Variants in SETD7 observed in about 807,000 individuals in gnomAD.
SETD7 encodes the protein histone-lysine N-methyltransferase SETD7.
A neutral mutation model predicts 41.8 loss-of-function variants in SETD7; 16 were observed. The observed-to-expected ratio is 0.38, with a 90% CI of 0.26 to 0.58. SETD7 has a LOEUF of 0.58. SETD7 is among the 20% of genes least tolerant of loss of function. The pLI, the probability that SETD7 is intolerant of heterozygous loss-of-function variation, is 0.64. For synonymous variants in SETD7, 163 were observed against 169.7 expected, an observed-to-expected ratio of 0.96 and a Z score of 0.31; for missense variants, 346 against 459.7, an observed-to-expected ratio of 0.75 and a Z score of 2.26.
chr4:139,525,248 A>G (rs1727293708), intron 4 of SETD7, among the ~76,000 whole-genome samples: 1 of 152,226 alleles, frequency 6.6e-6, no homozygotes, highest in Admixed American at 6.5e-5. Flanking sequence ...AGCTACATGT[A>G]CAACACTAGG....
At chr4:139,504,005 C>A (rs1044009386), downstream of SETD7, among the ~76,000 whole-genome samples, 1 of 152,116 alleles carries the variant, frequency 6.6e-6, no homozygotes, top group Non-Finnish European at 1.5e-5. Flanking sequence ...AGGGAGCTAG[C>A]CCCTGAAGGC....
At chr4:139,547,135 A>C (rs1429684618) in intron 1 of SETD7, 86 bp from the exon 2 acceptor site, 63 of 1,531,016 alleles carry the variant, frequency 4.1e-5, no homozygotes, top group Non-Finnish European at 5.3e-5. Flanking sequence ...CTGCCAGACA[A>C]GTCCCCCACC....
intron 5 of SETD7, among the ~76,000 whole-genome samples, chr4:139,521,426 T>TAA: frequency 6.8e-6 from 1 of 147,578 alleles, no homozygotes; most frequent in South Asian, 2.2e-4. Flanking sequence ...GACTCTGTCT[T>TAA]AAAAAAAAAA....
chr4:139,528,983 A>C, intron 4 of SETD7, 48 bp downstream of exon 4: 1 of 1,518,770 alleles, frequency 6.6e-7, no homozygotes, highest in Non-Finnish European at 9.1e-7. Context: ...CAGCCCTAAC[A>C]ACCTGCTTTG....
intron 2 of SETD7, among the ~76,000 whole-genome samples, chr4:139,536,330 TTTTTC>T (rs1372268263): frequency 6.6e-6 from 1 of 152,220 alleles, no homozygotes; most frequent in Non-Finnish European, 1.5e-5. Context: ...GTTATGATTT[TTTTTC>T]TTTTCTTTTT....
chr4:139,496,161 G>A, exon 8 of SETD7: 1 of 461,724 alleles, frequency 2.2e-6, no homozygotes, highest in East Asian at 3.5e-5. Flanking sequence ...ATCAAGTCCT[G>A]CTGGTTTGAG....
chr4:139,514,483 G>A (rs1430303982), intron 7 of SETD7, among the ~76,000 whole-genome samples: 1 of 151,848 alleles, frequency 6.6e-6, no homozygotes, highest in Non-Finnish European at 1.5e-5. Flanking sequence ...TGTAGATAAG[G>A]GACAGACTGA....
chr4:139,502,738 G>A (rs1560671036), downstream of SETD7, among the ~76,000 whole-genome samples: 1 of 152,130 alleles, frequency 6.6e-6, no homozygotes, highest in African/African-American at 2.4e-5. Context: ...AAGCAGAGGC[G>A]GGAAGAGGGA....
In SETD7 at chr4:139,511,650, A is replaced by G; in HGVS notation, c.*13T>C. 6.2e-7 allele frequency: 1 copy of G among 1,613,650 alleles called. No homozygotes were observed. The highest frequency in any genetic ancestry group is 8.5e-7 in the Non-Finnish European group (1 of 1,179,906). ...TTTCTATTCCAGGTCTCTGAACCCC[A>G]AAGCCAGGCCTTTCACTTTTGCTGG... On this transcript the variant is annotated 3_prime_UTR_variant, in exon 8 of 8. Transcript: ENST00000274031.
At chr4:139,521,903 G>A (rs1727188839) in intron 5 of SETD7, among the ~76,000 whole-genome samples, 1 of 152,222 alleles carries the variant, frequency 6.6e-6, no homozygotes, top group Non-Finnish European at 1.5e-5. Flanking sequence ...TTGAAACCTG[G>A]AGTCCAGCCT....
At chr4:139,521,868 C>G (rs1162201041) in intron 5 of SETD7, among the ~76,000 whole-genome samples, 1 of 152,224 alleles carries the variant, frequency 6.6e-6, no homozygotes, top group Non-Finnish European at 1.5e-5. Context: ...GTAAAGAAAA[C>G]ATGTGAAACA....
rs560248449 is a variant in SETD7, at chr4:139,541,842, C to G, written c.170+5078G>C. Among the ~76,000 whole-genome samples the G allele has an allele frequency of 3.2e-4, 48 of 152,254 alleles. No homozygotes were observed. In the South Asian group the frequency reaches 1.0e-2, roughly 32 times the overall value. ...ACTAGCAAACATTTTGAATCTGAGA[C>G]AGTTGTGAACAGGTAAACAATGTAC... On this transcript the variant is annotated intron_variant, in intron 2 of 7. Coordinates refer to ENST00000274031, the MANE Select transcript of SETD7 (RefSeq NM_030648.4).
chr4:139,500,448 T>A (rs751889425), intron 7 of SETD7, among the ~76,000 whole-genome samples: 10 of 152,242 alleles, frequency 6.6e-5, no homozygotes, highest in Non-Finnish European at 1.5e-4. Context: ...GCAATTACAA[T>A]TTCAAAAGCA....
At chr4:139,524,599 C>T (rs916725688) in intron 4 of SETD7, among the ~76,000 whole-genome samples, 2 of 152,206 alleles carry the variant, frequency 1.3e-5, no homozygotes, top group Non-Finnish European at 2.9e-5. Context: ...CTTCTTCCTG[C>T]TGCCTTCTCC....
At chr4:139,525,438 C>T (rs904689383) in intron 4 of SETD7, among the ~76,000 whole-genome samples, 1 of 152,154 alleles carries the variant, frequency 6.6e-6, no homozygotes, top group East Asian at 1.9e-4. Flanking sequence ...CTATAGTATG[C>T]TATGCCCTTT....
At chr4:139,501,894 G>T (rs970460456), downstream of SETD7, among the ~76,000 whole-genome samples, 3 of 152,202 alleles carry the variant, frequency 2.0e-5, no homozygotes, top group African/African-American at 7.2e-5. Flanking sequence ...TCTTCACGGG[G>T]GACTGCTTGG....
intron 1 of SETD7, 138 bp from the exon 2 acceptor site, chr4:139,547,187 A>G (rs997026979): frequency 4.6e-6 from 5 of 1,079,304 alleles, no homozygotes; most frequent in Non-Finnish European, 6.6e-6. Flanking sequence ...CCCTGGAAAG[A>G]AAGGGTAGTC....
chr4:139,543,356 C>T (rs954180674), intron 2 of SETD7, among the ~76,000 whole-genome samples: 1 of 152,182 alleles, frequency 6.6e-6, no homozygotes, highest in Non-Finnish European at 1.5e-5. Flanking sequence ...CTGGTAGATT[C>T]TCGACCTTTT....
intron 2 of SETD7, among the ~76,000 whole-genome samples, chr4:139,539,058 A>C (rs1727714900): frequency 1.3e-5 from 2 of 152,184 alleles, no homozygotes. Context: ...TTTCATTAAA[A>C]ATTCCTGTTA....
Sources: gnomAD v4.1 joint callset for allele counts (sites outside exome capture counted in the v4.1 genomes callset) on GRCh38, gnomAD v4.1.1 for gene constraint, MANE v1.5 for transcripts, NCBI Gene and HGNC (gene_info 2026-07-23, HGNC 2026-07-21) for gene names.